The following CTNNA3 variants were observed in gnomAD, a reference collection of about 807,000 sequenced individuals.
The protein encoded by CTNNA3 is catenin alpha-3.
A neutral mutation model predicts 95.7 loss-of-function variants in CTNNA3; 76 were observed. That is an observed-to-expected ratio of 0.79 (90% CI 0.66 to 0.96). The LOEUF (loss-of-function observed/expected upper bound fraction) is 0.96. Ranked by LOEUF, CTNNA3 falls within the 40% of genes least tolerant of loss-of-function variation. The probability of loss-of-function intolerance (pLI) is 0.00; values close to 1 mark genes in which losing one functional copy is unlikely to be tolerated. For synonymous variants in CTNNA3, 431 were observed against 374.4 expected, an observed-to-expected ratio of 1.15 and a Z score of -1.74; for missense variants, 1,191 against 1,089.8, an observed-to-expected ratio of 1.09 and a Z score of -1.31.
intron 7 of CTNNA3, among the ~76,000 whole-genome samples, chr10:66,900,561 A>G (rs1291957529): frequency 6.6e-6 from 1 of 152,182 alleles, no homozygotes; most frequent in Non-Finnish European, 1.5e-5. Flanking sequence ...GAAAGTCGGT[A>G]ATAACAAACT....
In CTNNA3 at chr10:67,315,515, T is replaced by C. The variant is rs191347222; in HGVS notation, c.580-95645A>G. Among the ~76,000 whole-genome samples, 132 of 152,270 alleles carry C rather than the reference T, an allele frequency of 8.7e-4. 1 individual carries two copies. Among genetic ancestry groups the C allele is most frequent in the African/African-American group, 3.1e-3 (127 of 41,564 alleles). On this transcript the variant is annotated intron_variant, in intron 5 of 17. Transcript: ENST00000433211. ...GGCCATCTCAAATATATTAAGAACTTAGTAAAATTAAGCACTTTGTAAGTG... is the reference window on the plus strand; with the variant it reads ...GGCCATCTCAAATATATTAAGAACTCAGTAAAATTAAGCACTTTGTAAGTG...
chr10:67,060,391 T>C (rs1019499224), intron 7 of CTNNA3, among the ~76,000 whole-genome samples: 2 of 152,244 alleles, frequency 1.3e-5, no homozygotes, highest in African/African-American at 4.8e-5. Context: ...CAAGCGTATA[T>C]GAAAGTATGT....
intron 8 of CTNNA3, among the ~76,000 whole-genome samples, chr10:66,772,081 G>A (rs1427643987): frequency 6.6e-6 from 1 of 152,032 alleles, no homozygotes; most frequent in African/African-American, 2.4e-5. Flanking sequence ...TATTTGAGCG[G>A]GAGGTGATGC....
At chr10:67,581,025 C>G (rs1253115983) in intron 3 of CTNNA3, among the ~76,000 whole-genome samples, 1 of 152,130 alleles carries the variant, frequency 6.6e-6, no homozygotes, top group Non-Finnish European at 1.5e-5. Context: ...TTGACTTCCT[C>G]TTTTCCTAAT....
chr10:67,758,542 G>A (rs1218424795), intron 1 of CTNNA3, among the ~76,000 whole-genome samples: 3 of 151,710 alleles, frequency 2.0e-5, no homozygotes, highest in Non-Finnish European at 2.9e-5. Flanking sequence ...GGTGGTCTGC[G>A]GATCTAGTTG....
At chr10:67,554,683 A>C (rs550350727) in intron 3 of CTNNA3, among the ~76,000 whole-genome samples, 113 of 151,992 alleles carry the variant, frequency 7.4e-4, no homozygotes, top group Middle Eastern at 6.8e-3. Flanking sequence ...GATTGCAAAA[A>C]TTTTCTCCCA....
At chr10:65,991,758 C>T (rs1276020568) in intron 15 of CTNNA3, among the ~76,000 whole-genome samples, 1 of 151,956 alleles carries the variant, frequency 6.6e-6, no homozygotes, top group South Asian at 2.1e-4. Flanking sequence ...CCTGATTGCT[C>T]TGGCTGATAA....
At chr10:66,986,372 C>T (rs113128918) in intron 7 of CTNNA3, among the ~76,000 whole-genome samples, 2 of 152,154 alleles carry the variant, frequency 1.3e-5, no homozygotes, top group African/African-American at 4.8e-5. Context: ...TGGCACATGC[C>T]TATAGTCCCA....
chr10:67,581,119 G>T (rs954010766), intron 3 of CTNNA3, among the ~76,000 whole-genome samples: 3 of 152,128 alleles, frequency 2.0e-5, no homozygotes, highest in African/African-American at 7.2e-5. Context: ...GTGAGAGAGG[G>T]TATCCCTGTC....
At chr10:67,167,694 A>G (rs931768111) in intron 7 of CTNNA3, among the ~76,000 whole-genome samples, 1 of 152,344 alleles carries the variant, frequency 6.6e-6, no homozygotes, top group South Asian at 2.1e-4. Context: ...TTTCCAATAT[A>G]CAAGTATAAA....
chr10:67,761,937 G>A (rs188076561), intron 1 of CTNNA3, among the ~76,000 whole-genome samples: 273 of 151,710 alleles, frequency 1.8e-3, no homozygotes, highest in African/African-American at 6.4e-3. Context: ...GATTACCACT[G>A]GACCTTTACC....
intron 11 of CTNNA3, among the ~76,000 whole-genome samples, chr10:66,455,433 T>G (rs76680953): frequency 0.011 from 1,621 of 152,262 alleles, 29 homozygotes; most frequent in African/African-American, 0.037. Context: ...CCAGCAGGAC[T>G]TATTCCTGGT....
intron 5 of CTNNA3, among the ~76,000 whole-genome samples, chr10:67,432,841 A>G (rs1846157819): frequency 6.6e-6 from 1 of 151,998 alleles, no homozygotes; most frequent in Non-Finnish European, 1.5e-5. Context: ...TGAGAGATAT[A>G]GTTTTTCTTT....
intron 5 of CTNNA3, among the ~76,000 whole-genome samples, chr10:67,315,532 T>C (rs1239758040): frequency 6.6e-6 from 1 of 152,084 alleles, no homozygotes; most frequent in East Asian, 1.9e-4. Flanking sequence ...ATTAAGCACT[T>C]TGTAAGTGCT....
intron 5 of CTNNA3, among the ~76,000 whole-genome samples, chr10:67,383,648 C>A (rs1844032508): frequency 9.5e-6 from 1 of 105,162 alleles, no homozygotes; most frequent in African/African-American, 2.6e-5. Flanking sequence ...CCTCACTAAC[C>A]TAACTAGAGC....
At chr10:66,741,348 A>G (rs1849320087) in intron 9 of CTNNA3, among the ~76,000 whole-genome samples, 1 of 152,192 alleles carries the variant, frequency 6.6e-6, no homozygotes, top group Non-Finnish European at 1.5e-5. Flanking sequence ...GTCAAAATAC[A>G]AAGTCTAAAG....
At chr10:67,059,432 T>G (rs943936136) in intron 7 of CTNNA3, among the ~76,000 whole-genome samples, 3 of 152,064 alleles carry the variant, frequency 2.0e-5, no homozygotes, top group African/African-American at 7.2e-5. Flanking sequence ...TGGAGGGGTA[T>G]TTGGGCACAG....
Position 66,286,085 on chromosome 10 carries a change from G to A in CTNNA3, c.1733-5464C>T, listed in dbSNP as rs60330320. 2.1e-3 allele frequency among the ~76,000 whole-genome samples: 320 copies of A among 152,000 alleles called. 2 individuals carry two copies. The highest frequency in any genetic ancestry group is 7.4e-3 in the African/African-American group (307 of 41,494). On this transcript the variant is annotated intron_variant, in intron 12 of 17. Transcript: ENST00000433211. ...AATATCCTAGTAGATGTTTTTTGGT[G>A]AATATATGTGTACATTTTTAGGGAA...
chr10:66,462,533 TCC>T (rs2093536686), intron 11 of CTNNA3, among the ~76,000 whole-genome samples: 1 of 152,124 alleles, frequency 6.6e-6, no homozygotes, highest in Non-Finnish European at 1.5e-5. Context: ...TATCATTCTT[TCC>T]TCTCTTTATT....
Sources: allele counts gnomAD v4.1 joint callset (sites outside exome capture counted in the v4.1 genomes callset), GRCh38; gene constraint gnomAD v4.1.1; transcripts MANE v1.5; gene names NCBI Gene and HGNC (gene_info 2026-07-23, HGNC 2026-07-21).